NRG3: variants seen among roughly 807,000 people sequenced by gnomAD.
NRG3 encodes pro-neuregulin-3, membrane-bound isoform.
A neutral mutation model predicts 66.9 loss-of-function variants in NRG3; 31 were observed. The observed-to-expected ratio is 0.46, with a 90% CI of 0.35 to 0.63. The LOEUF (loss-of-function observed/expected upper bound fraction) is 0.63, where lower values mean the gene tolerates loss of function less well. Ranked by LOEUF, NRG3 falls within the 20% of genes least tolerant of loss-of-function variation. NRG3 has a pLI of 0.00. For missense variants in NRG3, 910 were observed against 878.9 expected, an observed-to-expected ratio of 1.04 and a Z score of -0.45; for synonymous variants, 393 against 359.4, an observed-to-expected ratio of 1.09 and a Z score of -1.06.
intron 2 of NRG3, among the ~76,000 whole-genome samples, chr10:82,388,232 A>C (rs1240658541): frequency 6.6e-6 from 1 of 152,212 alleles, no homozygotes; most frequent in Non-Finnish European, 1.5e-5. Context: ...ATGTGCTGTA[A>C]AAAGGGAATA....
intron 1 of NRG3, among the ~76,000 whole-genome samples, chr10:82,067,355 G>T (rs1488937841): frequency 6.6e-6 from 1 of 152,024 alleles, no homozygotes; most frequent in Non-Finnish European, 1.5e-5. Flanking sequence ...GCTGTTTGTT[G>T]TTGTCGTGGT....
At chr10:82,002,541 G>A (rs2061214286) in intron 1 of NRG3, among the ~76,000 whole-genome samples, 1 of 152,170 alleles carries the variant, frequency 6.6e-6, no homozygotes, top group Non-Finnish European at 1.5e-5. Flanking sequence ...ATTTGGTACA[G>A]TATAAACTTC....
chr10:82,003,673 G>C (rs2061261434), intron 1 of NRG3, among the ~76,000 whole-genome samples: 2 of 152,140 alleles, frequency 1.3e-5, no homozygotes, highest in Admixed American at 6.5e-5. Flanking sequence ...GAAATTGCTG[G>C]TAACCAAAAT....
intron 2 of NRG3, among the ~76,000 whole-genome samples, chr10:82,372,452 ACAAGTAT>A (rs1305155158): frequency 6.6e-6 from 1 of 152,236 alleles, no homozygotes; most frequent in African/African-American, 2.4e-5. Context: ...TTCAAGCCTA[ACAAGTAT>A]ATCACACTGA....
intron 1 of NRG3, among the ~76,000 whole-genome samples, chr10:82,124,574 G>A (rs1230389825): frequency 1.3e-5 from 2 of 151,714 alleles, no homozygotes; most frequent in Non-Finnish European, 2.9e-5. Flanking sequence ...GGGGGGTGGA[G>A]GGCAAGAGGA....
At chr10:82,115,165 C>T (rs1239810408) in intron 1 of NRG3, among the ~76,000 whole-genome samples, 1 of 152,062 alleles carries the variant, frequency 6.6e-6, no homozygotes. Flanking sequence ...TTCTTTTGAT[C>T]CCTAGTCCTT....
intron 1 of NRG3, among the ~76,000 whole-genome samples, chr10:82,347,341 G>A (rs1427414692): frequency 6.6e-6 from 1 of 151,914 alleles, no homozygotes; most frequent in Non-Finnish European, 1.5e-5. Context: ...AGTCATTCAG[G>A]AGCAGGTTGT....
At chr10:82,586,702 A>G (rs2046691670) in intron 2 of NRG3, among the ~76,000 whole-genome samples, 1 of 152,136 alleles carries the variant, frequency 6.6e-6, no homozygotes, top group Non-Finnish European at 1.5e-5. Context: ...TCTTTATTTT[A>G]TCTTGTGTTT....
intron 1 of NRG3, among the ~76,000 whole-genome samples, chr10:81,916,787 A>G (rs907196021): frequency 6.6e-6 from 1 of 152,208 alleles, no homozygotes; most frequent in Non-Finnish European, 1.5e-5. Flanking sequence ...AGGACAGCCA[A>G]TGAGTAGTGC....
intron 3 of NRG3, among the ~76,000 whole-genome samples, chr10:82,810,023 T>C (rs1367632983): frequency 6.6e-6 from 1 of 152,172 alleles, no homozygotes. Flanking sequence ...TTGCTTTTTC[T>C]TATTGATATA....
At chr10:82,287,799 C>T (rs914820359) in intron 1 of NRG3, among the ~76,000 whole-genome samples, 2 of 151,996 alleles carry the variant, frequency 1.3e-5, no homozygotes, top group Admixed American at 6.5e-5. Flanking sequence ...ACTTTGGTCC[C>T]GACCTATATG....
chr10:82,803,896 T>TA (rs11399907), intron 3 of NRG3, among the ~76,000 whole-genome samples: 15,229 of 152,236 alleles, frequency 0.1, 869 homozygotes, highest in Middle Eastern at 0.16. Context: ...TCAACCATAG[T>TA]CCAAAAATAT....
At chr10:82,839,383 G>A (rs879790396) in intron 3 of NRG3, among the ~76,000 whole-genome samples, 2 of 151,994 alleles carry the variant, frequency 1.3e-5, no homozygotes, top group Non-Finnish European at 2.9e-5. Flanking sequence ...CTACAATTAA[G>A]TGAGAAGATA....
chr10:82,723,594 A>T (rs1330705294), intron 2 of NRG3, among the ~76,000 whole-genome samples: 1 of 152,238 alleles, frequency 6.6e-6, no homozygotes, highest in East Asian at 1.9e-4. Context: ...TGGAAAAAAA[A>T]ATAGAATGAT....
intron 1 of NRG3, among the ~76,000 whole-genome samples, chr10:82,256,669 T>A (rs1200620518): frequency 1.3e-5 from 2 of 152,222 alleles, no homozygotes; most frequent in East Asian, 3.9e-4. Context: ...CTGAAAATTT[T>A]GAACTGGGGA....
intron 3 of NRG3, among the ~76,000 whole-genome samples, chr10:82,809,370 A>C (rs1254385782): frequency 6.6e-6 from 1 of 151,686 alleles, no homozygotes; most frequent in Non-Finnish European, 1.5e-5. Context: ...TTTATACAAA[A>C]AATATATATT....
At chr10:82,259,293 C>T (rs2077897148) in intron 1 of NRG3, among the ~76,000 whole-genome samples, 1 of 152,132 alleles carries the variant, frequency 6.6e-6, no homozygotes. Context: ...ATGCACACTA[C>T]AATTTCCTGC....
intron 1 of NRG3, among the ~76,000 whole-genome samples, chr10:82,033,408 T>C (rs1335308128): frequency 6.6e-6 from 1 of 152,116 alleles, no homozygotes; most frequent in Non-Finnish European, 1.5e-5. Flanking sequence ...TAAGAAGCCT[T>C]CCCTGGTACC....
Position 82,528,251 on chromosome 10 carries a change from G to A in NRG3, c.953+169383G>A. The stretch of plus-strand genomic sequence containing the variant: ...GCTTGGTAAGAGAGGACATGAGGAG[G>A]TATAGCTAAATATATAGAGGTACGC... On this transcript the variant is annotated intron_variant, in intron 2 of 8. Coordinates refer to ENST00000372141, the MANE Select transcript of NRG3 (RefSeq NM_001010848.4). Among the ~76,000 whole-genome samples the A allele has an allele frequency of 1.3e-5, 2 of 152,052 alleles. 1 individual carries two copies. Among genetic ancestry groups the A allele is most frequent in the Admixed American group, 1.3e-4 (2 of 15,272 alleles).
Sources: gnomAD v4.1 joint callset for allele counts (sites outside exome capture counted in the v4.1 genomes callset) on GRCh38, gnomAD v4.1.1 for gene constraint, MANE v1.5 for transcripts, NCBI Gene and HGNC (gene_info 2026-07-23, HGNC 2026-07-21) for gene names.